The following DOT1L variants were observed in gnomAD, a reference collection of about 807,000 sequenced individuals.
The protein encoded by DOT1L is histone-lysine N-methyltransferase, H3 lysine-79 specific.
A neutral mutation model predicts 153.3 loss-of-function variants in DOT1L; 33 were observed. The ratio of observed to expected loss-of-function variants is 0.22; its 90% confidence interval spans 0.16 to 0.29. The LOEUF (loss-of-function observed/expected upper bound fraction) is 0.29, where lower values mean the gene tolerates loss of function less well. DOT1L is among the 10% of genes least tolerant of loss of function. The pLI is 1.00. For missense variants in DOT1L, 1,847 were observed against 2,119.9 expected (o/e 0.87, Z 2.53); for synonymous variants, 1,135 against 965.1 (o/e 1.18, Z -3.26).
intron 15 of DOT1L, 70 bp downstream of exon 15, chr19:2,211,282 G>A: frequency 7.3e-7 from 1 of 1,368,912 alleles, no homozygotes; most frequent in South Asian, 1.3e-5. Context: ...CGTGGGTTGT[G>A]ACGCTGACCT....
intron 26 of DOT1L, among the ~76,000 whole-genome samples, chr19:2,225,930 G>GCC (rs1490763613): frequency 6.6e-6 from 1 of 152,046 alleles, no homozygotes; most frequent in East Asian, 1.9e-4. Flanking sequence ...CCTGTCTTCC[G>GCC]CCCTCCTGTC....
chr19:2,174,998 ATATATATT>A (rs2021850435), intron 1 of DOT1L, among the ~76,000 whole-genome samples: 2 of 63,646 alleles, frequency 3.1e-5, no homozygotes, highest in African/African-American at 1.3e-4. Flanking sequence ...GTGTGTGTAT[ATATATATT>A]TTTTTTTTTT....
chr19:2,201,030 C>T (rs1382687436), intron 8 of DOT1L, among the ~76,000 whole-genome samples: 5 of 114,940 alleles, frequency 4.4e-5, no homozygotes, highest in South Asian at 3.3e-4. Flanking sequence ...TCGTCCTCCC[C>T]GCATTCCTCG....
chr19:2,191,558 TC>T lies in DOT1L; in HGVS notation c.493+321del, dbSNP rs2022793108. ...GACCTGTGCACCCTCTACTGCTCGCTCCCAGAAGCTGCCACTCGCTAGCCTG... is the reference window on the plus strand; with the variant it reads ...GACCTGTGCACCCTCTACTGCTCGCTCCAGAAGCTGCCACTCGCTAGCCTG... On this transcript the variant is annotated intron_variant, in intron 5 of 27. Transcript: ENST00000398665. The surrounding 1 kb of genome is among the most constrained non-coding windows in gnomAD (Gnocchi z 6.8). 6.6e-6 allele frequency among the ~76,000 whole-genome samples: 1 copy of T among 151,982 alleles called. No individual in the cohort carries two copies. Among genetic ancestry groups the T allele is most frequent in the Admixed American group, 6.6e-5 (1 of 15,258 alleles).
At chr19:2,184,279 G>C (rs527326026) in intron 2 of DOT1L, among the ~76,000 whole-genome samples, 1 of 152,294 alleles carries the variant, frequency 6.6e-6, no homozygotes, top group East Asian at 1.9e-4. Flanking sequence ...GTGTTGGCCA[G>C]GTGTGCAGGC....
chr19:2,176,078 G>A (rs963450603), intron 1 of DOT1L, among the ~76,000 whole-genome samples: 6 of 152,128 alleles, frequency 3.9e-5, no homozygotes, highest in African/African-American at 9.7e-5. Context: ...CCTCTTGGCC[G>A]AGGCTGCTTT....
chr19:2,217,742 C>T lies in DOT1L; in HGVS notation c.2545-30C>T, dbSNP rs1390420631. On this transcript the variant is annotated intron_variant, in intron 21 of 27. Coordinates refer to ENST00000398665, the MANE Select transcript of DOT1L (RefSeq NM_032482.3). The surrounding 1 kb of genome is among the most constrained non-coding windows in gnomAD (Gnocchi z 7.3). ...TGTGTCCTGGAGGGGTTTGTTGACC[C>T]ACGACTGGGGGTCGGGCCTTCGTCT... 7.0e-6 allele frequency: 11 copies of T among 1,582,236 alleles called. No homozygotes were observed. The highest frequency in any genetic ancestry group is 6.9e-5 in the South Asian group (6 of 86,696).
At chr19:2,179,502 A>G (rs947544199) in intron 1 of DOT1L, among the ~76,000 whole-genome samples, 3 of 152,010 alleles carry the variant, frequency 2.0e-5, no homozygotes, top group Non-Finnish European at 2.9e-5. Context: ...AAAATTGTTC[A>G]TTTTTATAAA....
chr19:2,209,641 C>A (rs1454073388), intron 12 of DOT1L, among the ~76,000 whole-genome samples: 1 of 152,286 alleles, frequency 6.6e-6, no homozygotes, highest in African/African-American at 2.4e-5. Flanking sequence ...GCCGCCCTGC[C>A]CGCTGGCGCT....
At position 2,226,571 on chromosome 19, in the gene DOT1L, G is replaced by A. The variant is rs749276174; in HGVS notation, c.4050G>A (p.Pro1350=). 5.6e-6 allele frequency: 9 copies of A among 1,600,178 alleles called. No homozygotes were observed. Among genetic ancestry groups the A allele is most frequent in the African/African-American group, 2.7e-5 (2 of 74,890 alleles). ...KGPEAAGLSS[P]LSFPSQRGKE... ...CCGAGGCGGCCGGCCTGAGCTCCCC[G>A]CTGAGCTTCCCCTCGCAGCGCGGCA... Residue 1350 remains proline, a synonymous_variant, in exon 27 of 28, where the codon CCG becomes CCA. Coordinates refer to ENST00000398665, the MANE Select transcript of DOT1L (RefSeq NM_032482.3).
Position 2,211,129 on chromosome 19 carries a change from A to C in DOT1L, c.1382A>C (p.Tyr461Ser). ...TACAGATCCCCTCACAGCCCGTTCT[A>C]CCAGCTACCTCCGAGCGTGCAGCGG... ...DAYRSPHSPF[Y>S]QLPPSVQRHS... Residue 461 changes from tyrosine to serine, a missense_variant, in exon 15 of 28, where the codon TAC (tyrosine) becomes TCC (serine). This residue lies in a region of DOT1L where 205 missense variants were observed against 203.1 expected (regional missense o/e 1.01). Coordinates refer to ENST00000398665, the MANE Select transcript of DOT1L (RefSeq NM_032482.3). 1 of 1,612,996 alleles carries C rather than the reference A, an allele frequency of 6.2e-7. No homozygotes were observed. The highest frequency in any genetic ancestry group is 8.5e-7 in the Non-Finnish European group (1 of 1,179,786).
In DOT1L at chr19:2,215,208, G is replaced by C. The variant is rs76122635; in HGVS notation, c.1923+612G>C. On this transcript the variant is annotated intron_variant, in intron 19 of 27. Coordinates refer to ENST00000398665, the MANE Select transcript of DOT1L (RefSeq NM_032482.3). ...TTGAGCCCGGGAGGTGGAGGCTGCA[G>C]CAAGCTGAGATTGCACCACTGCACT... Among the ~76,000 whole-genome samples, 194 of 152,316 alleles carry C rather than the reference G, an allele frequency of 1.3e-3. 1 individual carries two copies. Among genetic ancestry groups the C allele is most frequent in the Non-Finnish European group, 2.3e-3 (159 of 68,006 alleles).
chr19:2,204,431 C>T lies in DOT1L; in HGVS notation c.787+1652C>T, dbSNP rs1323658932. Among the ~76,000 whole-genome samples the T allele has an allele frequency of 6.6e-6, 1 of 152,134 alleles. No homozygotes were observed. On this transcript the variant is annotated intron_variant, in intron 9 of 27. Coordinates refer to ENST00000398665, the MANE Select transcript of DOT1L (RefSeq NM_032482.3). The surrounding 1 kb of genome is among the most constrained non-coding windows in gnomAD (Gnocchi z 5.7). Reference sequence around the variant, plus strand: ...CACGTGAGGACACCATGCTTCCCCGCCCAGTCGCCCCCACACCCCAGCAGC... The same window carrying T: ...CACGTGAGGACACCATGCTTCCCCGTCCAGTCGCCCCCACACCCCAGCAGC...
chr19:2,214,741 C>G (rs2023837416), intron 19 of DOT1L, 145 bp downstream of exon 19: 1 of 1,287,518 alleles, frequency 7.8e-7, no homozygotes, highest in South Asian at 1.5e-5. Context: ...CTTATGGAAC[C>G]TTCTGTCTTG....
intron 7 of DOT1L, among the ~76,000 whole-genome samples, chr19:2,195,877 C>G (rs1054413462): frequency 1.3e-5 from 2 of 152,244 alleles, no homozygotes; most frequent in Non-Finnish European, 2.9e-5. Context: ...ATTCGACTCT[C>G]ACAGTTCAGA....
In DOT1L at chr19:2,213,470, G is replaced by C. The variant is rs982062888; in HGVS notation, c.1558-69G>C. The C allele has an allele frequency of 7.7e-5, 115 of 1,490,710 alleles. 1 individual carries two copies. The highest frequency in any genetic ancestry group is 4.7e-4 in the Middle Eastern group (2 of 4,212). 92.3% of individuals were successfully genotyped at this position (1,490,710 alleles called of 1,614,324 possible). ...CTTCAGGAAGCATGAGAGGCAGGGCGTGGGCCCTCCCTGTGGGCCCTCAGT... is the reference window on the plus strand; with the variant it reads ...CTTCAGGAAGCATGAGAGGCAGGGCCTGGGCCCTCCCTGTGGGCCCTCAGT... On this transcript the variant is annotated intron_variant, in intron 16 of 27. Transcript: ENST00000398665.
In DOT1L at chr19:2,200,967, C is replaced by T. The variant is rs558886894; in HGVS notation, c.707+1028C>T. ...CATTCCTCGTCCTCCCCGCATTCCTCGTCCTCCCCTCATTCCTCGTCGTCC... is the reference window on the plus strand; with the variant it reads ...CATTCCTCGTCCTCCCCGCATTCCTTGTCCTCCCCTCATTCCTCGTCGTCC... On this transcript the variant is annotated intron_variant, in intron 8 of 27. Transcript: ENST00000398665. Among the ~76,000 whole-genome samples the T allele has an allele frequency of 6.3e-3, 865 of 136,918 alleles. 39 individuals carry two copies. Among genetic ancestry groups the T allele is most frequent in the African/African-American group, 0.024 (803 of 32,876 alleles). The allele number at this position is 136,918 out of a possible 152,430, so 89.8% of individuals were successfully genotyped here. A position where few individuals can be genotyped will look rare whatever the true frequency, so the allele number is the denominator to read the frequency against.
chr19:2,228,269 G>T, intron 27 of DOT1L: 1 of 1,359,446 alleles, frequency 7.4e-7, no homozygotes. Context: ...CCAGCGCCAC[G>T]GGGCCGTCCG....
intron 25 of DOT1L, among the ~76,000 whole-genome samples, chr19:2,224,785 C>A (rs1568370086): frequency 6.6e-6 from 1 of 152,206 alleles, no homozygotes; most frequent in Non-Finnish European, 1.5e-5. Flanking sequence ...TGTGTTAGTT[C>A]GTTCTGCTCC....
Sources: allele counts gnomAD v4.1 joint callset (sites outside exome capture counted in the v4.1 genomes callset), GRCh38; gene constraint gnomAD v4.1.1; regional missense constraint gnomAD v4.1.1; non-coding constraint Gnocchi (gnomAD v3.1); transcripts MANE v1.5; gene names NCBI Gene and HGNC (gene_info 2026-07-23, HGNC 2026-07-21).